DLG2: variants seen among roughly 807,000 people sequenced by gnomAD.
DLG2 encodes disks large homolog 2.
In DLG2, 45 loss-of-function variants were observed where a neutral mutation model predicts 132.5. The observed-to-expected ratio is 0.34, with a 90% CI of 0.27 to 0.44. The LOEUF (loss-of-function observed/expected upper bound fraction) is 0.44, where lower values mean the gene tolerates loss of function less well. Among genes scored for constraint, DLG2 ranks in the 20% least tolerant of loss-of-function variants. DLG2 has a pLI of 1.00. For synonymous variants in DLG2, 424 were observed against 419.6 expected, an observed-to-expected ratio of 1.01 and a Z score of -0.13; for missense variants, 1,045 against 1,196.9, an observed-to-expected ratio of 0.87 and a Z score of 1.87.
Position 85,281,546 on chromosome 11 carries a change from G to A in DLG2, c.186+3674C>T, listed in dbSNP as rs575101786. On this transcript the variant is annotated intron_variant, in intron 4 of 27. Transcript: ENST00000376104. ...AACAGGATATTCTGTATGCCTTTTG[G>A]GAAGCTCAGATCAACTCATTCATAT... 4.6e-5 allele frequency among the ~76,000 whole-genome samples: 7 copies of A among 152,070 alleles called. No homozygotes were observed. In the South Asian group the frequency reaches 1.5e-3, roughly 32 times the overall value.
chr11:84,721,630 G>A (rs1288093217), intron 6 of DLG2, among the ~76,000 whole-genome samples: 1 of 152,136 alleles, frequency 6.6e-6, no homozygotes, highest in Non-Finnish European at 1.5e-5. Flanking sequence ...TGATAAGAAG[G>A]GTGTGGGGGT....
At position 83,687,582 on chromosome 11, in the gene DLG2, T is replaced by A. The variant is rs574697011; in HGVS notation, c.1826-54257A>T. ...TCCTATTGTTTTGGTATTGTTCTTT[T>A]TACTTCTGAAATGATGGTGAGAATA... On this transcript the variant is annotated intron_variant, in intron 18 of 27. Coordinates refer to ENST00000376104, the MANE Select transcript of DLG2 (RefSeq NM_001142699.3). 3.3e-5 allele frequency among the ~76,000 whole-genome samples: 5 copies of A among 152,344 alleles called. No individual in the cohort carries two copies. In the East Asian group the frequency reaches 9.6e-4, roughly 29 times the overall value.
At chr11:85,365,840 A>G (rs2084506171) in intron 3 of DLG2, among the ~76,000 whole-genome samples, 1 of 152,198 alleles carries the variant, frequency 6.6e-6, no homozygotes, top group Non-Finnish European at 1.5e-5. Context: ...GGAACAGAAA[A>G]CAAAACACCC....
chr11:85,253,631 G>T (rs924643245), intron 4 of DLG2, among the ~76,000 whole-genome samples: 11 of 152,128 alleles, frequency 7.2e-5, no homozygotes, highest in Non-Finnish European at 1.3e-4. Context: ...TGCCATCCAT[G>T]GACAGCTTAA....
intron 21 of DLG2, among the ~76,000 whole-genome samples, chr11:83,506,260 T>A (rs1163275709): frequency 1.3e-5 from 2 of 152,220 alleles, no homozygotes; most frequent in Non-Finnish European, 2.9e-5. Context: ...CTAGAACCTT[T>A]TCTAAGTCCC....
chr11:84,845,762 C>T (rs377047539), intron 6 of DLG2, among the ~76,000 whole-genome samples: 54 of 151,770 alleles, frequency 3.6e-4, no homozygotes, highest in African/African-American at 1.3e-3. Context: ...TCACTGCAAC[C>T]TTCACCTCTT....
At chr11:84,134,068 C>T (rs896068502) in intron 9 of DLG2, among the ~76,000 whole-genome samples, 1 of 151,964 alleles carries the variant, frequency 6.6e-6, no homozygotes, top group Non-Finnish European at 1.5e-5. Context: ...TACTATGTGC[C>T]TGTACTCGGT....
At chr11:84,719,870 T>C (rs187307994) in intron 6 of DLG2, among the ~76,000 whole-genome samples, 2 of 152,176 alleles carry the variant, frequency 1.3e-5, no homozygotes, top group African/African-American at 2.4e-5. Flanking sequence ...TTATCTAGAG[T>C]TCATCGACCA....
At chr11:84,150,727 A>T (rs1251352016) in intron 9 of DLG2, among the ~76,000 whole-genome samples, 1 of 152,008 alleles carries the variant, frequency 6.6e-6, no homozygotes. Flanking sequence ...TGTCCATGTC[A>T]TATGTTGACT....
chr11:83,729,843 C>T (rs1224888243), intron 18 of DLG2, among the ~76,000 whole-genome samples: 1 of 152,024 alleles, frequency 6.6e-6, no homozygotes, highest in Non-Finnish European at 1.5e-5. Context: ...TCATTTATTG[C>T]TAAATGAACA....
chr11:84,706,459 T>C (rs1172303081), intron 6 of DLG2, among the ~76,000 whole-genome samples: 5 of 151,780 alleles, frequency 3.3e-5, no homozygotes, highest in Non-Finnish European at 2.9e-5. Context: ...GAGTGATACA[T>C]TGAAACATCT....
intron 4 of DLG2, among the ~76,000 whole-genome samples, chr11:85,270,771 C>T (rs911787864): frequency 3.6e-4 from 55 of 152,086 alleles, no homozygotes; most frequent in African/African-American, 1.2e-3. Context: ...TTTCCTCTGC[C>T]CTAGAAATTT....
chr11:85,230,773 A>G (rs1316839087), intron 4 of DLG2, among the ~76,000 whole-genome samples: 1 of 151,960 alleles, frequency 6.6e-6, no homozygotes, highest in Non-Finnish European at 1.5e-5. Flanking sequence ...CCCCAATGCA[A>G]TAGTATTAAG....
At chr11:83,528,824 T>C (rs1449255163) in intron 21 of DLG2, among the ~76,000 whole-genome samples, 1 of 152,160 alleles carries the variant, frequency 6.6e-6, no homozygotes, top group Non-Finnish European at 1.5e-5. Context: ...TGCCTGCTTA[T>C]ATTTCTCTTT....
chr11:85,100,081 T>C (rs1252260573), intron 6 of DLG2, among the ~76,000 whole-genome samples: 3 of 152,062 alleles, frequency 2.0e-5, no homozygotes, highest in African/African-American at 7.2e-5. Flanking sequence ...CAGAAAAAAA[T>C]TAAATTCTAT....
intron 16 of DLG2, among the ~76,000 whole-genome samples, chr11:83,836,097 T>C (rs991135858): frequency 6.6e-6 from 1 of 152,210 alleles, no homozygotes; most frequent in Non-Finnish European, 1.5e-5. Context: ...TGAAGGCAGA[T>C]GAAGACTGCT....
At chr11:85,431,641 G>C (rs553039946) in intron 3 of DLG2, among the ~76,000 whole-genome samples, 1 of 152,222 alleles carries the variant, frequency 6.6e-6, no homozygotes, top group Non-Finnish European at 1.5e-5. Context: ...CTCCAACCAG[G>C]GGCTCAGGGA....
intron 3 of DLG2, among the ~76,000 whole-genome samples, chr11:85,377,209 G>A (rs1216034150): frequency 6.6e-6 from 1 of 152,130 alleles, no homozygotes; most frequent in East Asian, 1.9e-4. Flanking sequence ...AAATATTAAT[G>A]CAAGTACAAA....
At chr11:83,468,101 A>G (rs956050143) in intron 25 of DLG2, among the ~76,000 whole-genome samples, 9 of 152,038 alleles carry the variant, frequency 5.9e-5, no homozygotes, top group African/African-American at 2.2e-4. Context: ...CTGAGGCTAG[A>G]ATAACTTTAT....
Sources: gnomAD v4.1 joint callset for allele counts (sites outside exome capture counted in the v4.1 genomes callset) on GRCh38, gnomAD v4.1.1 for gene constraint, MANE v1.5 for transcripts, NCBI Gene and HGNC (gene_info 2026-07-23, HGNC 2026-07-21) for gene names.